The following COX7B2 variants were observed in gnomAD, a reference collection of about 807,000 sequenced individuals.
COX7B2 encodes the protein cytochrome c oxidase subunit 7B2.
For missense variants in COX7B2, 109 were observed against 95.9 expected (o/e 1.14, Z -0.57); for synonymous variants, 37 against 32.1 (o/e 1.15, Z -0.51).
intron 1 of COX7B2, among the ~76,000 whole-genome samples, chr4:46,846,979 C>T (rs184569790): frequency 6.6e-6 from 1 of 152,060 alleles, no homozygotes; most frequent in Admixed American, 6.6e-5. Context: ...GAGATGTCCA[C>T]TAGATCTATC....
chr4:46,852,078 G>A (rs1260022753), intron 1 of COX7B2, among the ~76,000 whole-genome samples: 1 of 151,882 alleles, frequency 6.6e-6, no homozygotes, highest in Non-Finnish European at 1.5e-5. Flanking sequence ...CCTAATGGTG[G>A]TTCTCTATTT....
At chr4:46,786,296 G>A (rs1240034168) in intron 2 of COX7B2, among the ~76,000 whole-genome samples, 1 of 152,138 alleles carries the variant, frequency 6.6e-6, no homozygotes, top group Non-Finnish European at 1.5e-5. Flanking sequence ...TGATACTCAT[G>A]TACCTATGTA....
At chr4:46,907,848 CTTTTTTTT>C (rs35024713) in intron 1 of COX7B2, among the ~76,000 whole-genome samples, 6 of 59,730 alleles carry the variant, frequency 1.0e-4, no homozygotes, top group Admixed American at 2.4e-4. Flanking sequence ...TTTGAGCAGA[CTTTTTTTT>C]TTTTTTTTTT....
At chr4:46,781,987 G>A (rs771979945) in intron 2 of COX7B2, among the ~76,000 whole-genome samples, 72 of 152,276 alleles carry the variant, frequency 4.7e-4, no homozygotes, top group Admixed American at 1.8e-3. Flanking sequence ...CCTGATGGGC[G>A]CCGCCCCCTG....
At chr4:46,771,839 T>C (rs1247890691) in intron 2 of COX7B2, among the ~76,000 whole-genome samples, 1 of 152,158 alleles carries the variant, frequency 6.6e-6, no homozygotes, top group Non-Finnish European at 1.5e-5. Flanking sequence ...AAGCCGTACA[T>C]ACTTACGGGT....
intron 1 of COX7B2, among the ~76,000 whole-genome samples, chr4:46,864,530 T>C (rs1717527702): frequency 6.6e-6 from 1 of 152,156 alleles, no homozygotes; most frequent in Admixed American, 6.5e-5. Flanking sequence ...CTGTCTCAGG[T>C]GGGCAGTTAA....
At chr4:46,771,694 T>G (rs1197016988) in intron 2 of COX7B2, among the ~76,000 whole-genome samples, 1 of 152,038 alleles carries the variant, frequency 6.6e-6, no homozygotes, top group Non-Finnish European at 1.5e-5. Context: ...TTTCAGATTC[T>G]CAGATTAGAG....
At chr4:46,750,229 C>T (rs190842034) in intron 2 of COX7B2, among the ~76,000 whole-genome samples, 6 of 151,292 alleles carry the variant, frequency 4.0e-5, no homozygotes, top group Middle Eastern at 3.4e-3. Flanking sequence ...CACACACACA[C>T]ACACACACAC....
intron 2 of COX7B2, among the ~76,000 whole-genome samples, chr4:46,820,981 C>A (rs188328255): frequency 1.0e-3 from 158 of 151,982 alleles, no homozygotes; most frequent in African/African-American, 3.6e-3. Context: ...ACAGTCGAAA[C>A]CTGAGAATCT....
intron 1 of COX7B2, among the ~76,000 whole-genome samples, chr4:46,846,856 A>G (rs1468724681): frequency 2.6e-5 from 4 of 152,060 alleles, no homozygotes; most frequent in Non-Finnish European, 4.4e-5. Context: ...CAAGGATGAT[A>G]CAAAGGTTTT....
At chr4:46,867,088 A>G (rs1051057935) in intron 1 of COX7B2, among the ~76,000 whole-genome samples, 1 of 152,178 alleles carries the variant, frequency 6.6e-6, no homozygotes, top group African/African-American at 2.4e-5. Flanking sequence ...CCAGATTACA[A>G]CAATTCCATT....
At chr4:46,753,458 G>A (rs987262802) in intron 2 of COX7B2, among the ~76,000 whole-genome samples, 1 of 151,718 alleles carries the variant, frequency 6.6e-6, no homozygotes, top group Non-Finnish European at 1.5e-5. Context: ...AACAAGAAAT[G>A]GGGAAAGGAT....
chr4:46,794,914 A>T (rs1718242548), intron 2 of COX7B2, among the ~76,000 whole-genome samples: 1 of 152,184 alleles, frequency 6.6e-6, no homozygotes, highest in Non-Finnish European at 1.5e-5. Context: ...GAAGCATAAA[A>T]ACAGAAAGTA....
At chr4:46,771,486 T>C (rs1310008501) in intron 2 of COX7B2, among the ~76,000 whole-genome samples, 3 of 151,896 alleles carry the variant, frequency 2.0e-5, no homozygotes, top group African/African-American at 7.2e-5. Context: ...GCAAATGAAA[T>C]CGGTACAGGT....
intron 2 of COX7B2, among the ~76,000 whole-genome samples, chr4:46,751,130 CAA>C (rs1715345392): frequency 7.3e-6 from 1 of 136,404 alleles, no homozygotes; most frequent in African/African-American, 2.6e-5. Flanking sequence ...TCCTTCTTCC[CAA>C]AGATTTTTTT....
At chr4:46,834,336 A>T (rs1715368790) in intron 2 of COX7B2, among the ~76,000 whole-genome samples, 1 of 152,074 alleles carries the variant, frequency 6.6e-6, no homozygotes, top group Admixed American at 6.6e-5. Context: ...CAAGAAAAGA[A>T]ACACAAAAAC....
At chr4:46,878,468 C>T (rs1249667737) in intron 1 of COX7B2, among the ~76,000 whole-genome samples, 1 of 149,100 alleles carries the variant, frequency 6.7e-6, no homozygotes. Flanking sequence ...ACTACATATA[C>T]ATAAGTTAGC....
intron 2 of COX7B2, among the ~76,000 whole-genome samples, chr4:46,841,379 G>A (rs1715918367): frequency 6.7e-6 from 1 of 149,304 alleles, no homozygotes; most frequent in African/African-American, 2.5e-5. Flanking sequence ...GTGTGTTTAA[G>A]ATGGGCTGGC....
At chr4:46,803,163 T>G (rs1443219196) in intron 2 of COX7B2, among the ~76,000 whole-genome samples, 4 of 152,144 alleles carry the variant, frequency 2.6e-5, no homozygotes, top group Non-Finnish European at 4.4e-5. Flanking sequence ...AAGGTTCTTT[T>G]CAGTTTTGTG....
Sources: allele counts gnomAD v4.1 joint callset (sites outside exome capture counted in the v4.1 genomes callset), GRCh38; gene constraint gnomAD v4.1.1; transcripts MANE v1.5; gene names NCBI Gene and HGNC (gene_info 2026-07-23, HGNC 2026-07-21).